The following KLF12 variants were observed in gnomAD, a reference collection of about 807,000 sequenced individuals.
KLF12 encodes the protein KLF transcription factor 12, also known as Krueppel-like factor 12.
In KLF12, 9 loss-of-function variants were observed where a neutral mutation model predicts 37.8. That is an observed-to-expected ratio of 0.24 (90% confidence interval 0.14 to 0.42). The LOEUF (loss-of-function observed/expected upper bound fraction) is 0.42. Among genes scored for constraint, KLF12 ranks in the 10% least tolerant of loss-of-function variants. KLF12 has a pLI of 1.00. For missense variants in KLF12, 411 were observed against 516.0 expected (o/e 0.80, Z 1.97); for synonymous variants, 208 against 202.1 (o/e 1.03, Z -0.25).
chr13:74,098,137 G>A (rs1411500373), intron 1 of KLF12, among the ~76,000 whole-genome samples: 2 of 152,134 alleles, frequency 1.3e-5, no homozygotes, highest in African/African-American at 4.8e-5. Context: ...CCCCAGGAAT[G>A]TAACCATTTC....
intron 7 of KLF12, among the ~76,000 whole-genome samples, chr13:73,696,384 T>C (rs981590812): frequency 6.6e-6 from 1 of 152,224 alleles, no homozygotes; most frequent in African/African-American, 2.4e-5. Context: ...AAGAAGCATG[T>C]AATTTGACCG....
At position 73,797,769 on chromosome 13, in the gene KLF12, CAAAA is replaced by C. The variant is rs34644776; in HGVS notation, c.806+15379_806+15382del. On this transcript the variant is annotated intron_variant, in intron 5 of 7. Transcript: ENST00000377669. ...TGGGCAAGAGAGCAAGATCCTGTCTCAAAAAAAAAAAAAAAAAAAAAAAAGCATT... is the reference window on the plus strand; with the variant it reads ...TGGGCAAGAGAGCAAGATCCTGTCTCAAAAAAAAAAAAAAAAAAAAGCATT... Among the ~76,000 whole-genome samples, 271 of 71,654 alleles carry C rather than the reference CAAAA, an allele frequency of 3.8e-3. 1 individual carries two copies. The highest frequency in any genetic ancestry group is 6.6e-3 in the East Asian group (17 of 2,592). The allele number at this position is 71,654 out of a possible 152,430, so 47.0% of individuals were successfully genotyped here.
At chr13:73,871,543 G>A (rs561175674) in intron 3 of KLF12, among the ~76,000 whole-genome samples, 2 of 152,280 alleles carry the variant, frequency 1.3e-5, no homozygotes, top group Admixed American at 6.5e-5. Flanking sequence ...CCTGAACACA[G>A]TACAAACGGA....
At chr13:73,765,031 GA>G in intron 5 of KLF12, 31 bp from the exon 6 acceptor site, 3 of 1,339,940 alleles carry the variant, frequency 2.2e-6, no homozygotes, top group Admixed American at 2.1e-5. Flanking sequence ...TCCAGTCATT[GA>G]AAAAGCATAT....
At chr13:74,261,841 C>T in the KLF12 span, among the ~76,000 whole-genome samples, 4 of 152,188 alleles carry the variant, frequency 2.6e-5, no homozygotes, top group South Asian at 8.3e-4. Context: ...TGGTAGTACA[C>T]TGGTAAACTC....
chr13:74,204,307 A>G, the KLF12 span, among the ~76,000 whole-genome samples: 1 of 152,168 alleles, frequency 6.6e-6, no homozygotes, highest in African/African-American at 2.4e-5. Flanking sequence ...TCAAATTTGT[A>G]TAAATGTAAG....
intron 2 of KLF12, among the ~76,000 whole-genome samples, chr13:73,955,031 T>G (rs904468375): frequency 6.6e-6 from 1 of 152,152 alleles, no homozygotes; most frequent in African/African-American, 2.4e-5. Context: ...TAAGTCCAGG[T>G]GTATGAGACT....
chr13:73,815,943 A>G (rs909551259), intron 4 of KLF12, among the ~76,000 whole-genome samples: 3 of 152,208 alleles, frequency 2.0e-5, no homozygotes, highest in South Asian at 2.1e-4. Context: ...AAAGTTTAAA[A>G]TATGTTAAAT....
chr13:73,856,799 G>A (rs891379766), intron 3 of KLF12, among the ~76,000 whole-genome samples: 4 of 150,206 alleles, frequency 2.7e-5, no homozygotes, highest in African/African-American at 7.3e-5. Context: ...GACCAGCCTC[G>A]TCAACATGGT....
chr13:73,748,914 T>C (rs1281645392), intron 6 of KLF12, among the ~76,000 whole-genome samples: 2 of 152,172 alleles, frequency 1.3e-5, no homozygotes, highest in African/African-American at 4.8e-5. Context: ...ATTCACCCCA[T>C]GTCAGTTTTA....
In KLF12 at chr13:73,715,531, A is replaced by G; in HGVS notation, c.870-6T>C. 1.2e-6 allele frequency: 2 copies of G among 1,612,930 alleles called. No homozygotes were observed. The highest frequency in any genetic ancestry group is 2.2e-5 in the East Asian group (1 of 44,864). On this transcript the variant is annotated splice_region_variant and splice_polypyrimidine_tract_variant and intron_variant, in intron 6 of 7. Coordinates refer to ENST00000377669, the MANE Select transcript of KLF12 (RefSeq NM_007249.5). ...TACTAAATGGTGAAATTGAACTGGA[A>G]AAAGAAAAAGTGGAGTTACACGGTG...
intron 2 of KLF12, among the ~76,000 whole-genome samples, chr13:73,956,353 G>A (rs1890830941): frequency 6.6e-6 from 1 of 152,174 alleles, no homozygotes; most frequent in South Asian, 2.1e-4. Flanking sequence ...GTCCATTGTT[G>A]TAACTCACAT....
chr13:73,755,641 G>A (rs897922859), intron 6 of KLF12, among the ~76,000 whole-genome samples: 5 of 151,378 alleles, frequency 3.3e-5, no homozygotes, highest in African/African-American at 1.2e-4. Context: ...ATTTCAATGG[G>A]TTTTTGGAGA....
intron 1 of KLF12, among the ~76,000 whole-genome samples, chr13:74,103,432 G>A (rs1191306306): frequency 3.3e-5 from 5 of 152,244 alleles, no homozygotes; most frequent in South Asian, 4.1e-4. Flanking sequence ...AGTGCAGCAC[G>A]GAAAATGCCC....
intron 3 of KLF12, among the ~76,000 whole-genome samples, chr13:73,862,741 A>T (rs1885995405): frequency 6.6e-6 from 1 of 152,188 alleles, no homozygotes; most frequent in Non-Finnish European, 1.5e-5. Context: ...TACGTTATTC[A>T]ATTATTTATT....
intron 1 of KLF12, among the ~76,000 whole-genome samples, chr13:74,080,273 CA>C (rs1180738957): frequency 7.0e-6 from 1 of 142,632 alleles, no homozygotes; most frequent in African/African-American, 2.5e-5. Flanking sequence ...TCCATTTCTA[CA>C]AAAAAAAGTT....
intron 5 of KLF12, among the ~76,000 whole-genome samples, chr13:73,770,857 C>T (rs531908221): frequency 5.5e-4 from 83 of 152,188 alleles, no homozygotes; most frequent in African/African-American, 1.9e-3. Flanking sequence ...CTTACTATAA[C>T]TCTTATTCTA....
intron 3 of KLF12, among the ~76,000 whole-genome samples, chr13:73,895,326 C>T (rs943460476): frequency 4.6e-5 from 7 of 152,158 alleles, no homozygotes; most frequent in Non-Finnish European, 7.3e-5. Context: ...CATGGTGAAA[C>T]CACAGTTAAG....
At chr13:74,142,031 A>G in the KLF12 span, among the ~76,000 whole-genome samples, 1 of 152,240 alleles carries the variant, frequency 6.6e-6, no homozygotes, top group African/African-American at 2.4e-5. Context: ...TTTTAAGGAC[A>G]TTAACTCATA....
Sources: allele counts gnomAD v4.1 joint callset (sites outside exome capture counted in the v4.1 genomes callset), GRCh38; gene constraint gnomAD v4.1.1; transcripts MANE v1.5; gene names NCBI Gene and HGNC (gene_info 2026-07-23, HGNC 2026-07-21).